Variants in MARK3 observed in about 807,000 individuals in gnomAD.
MARK3 encodes microtubule affinity regulating kinase 3.
A neutral mutation model predicts 90.1 loss-of-function variants in MARK3; 46 were observed. The observed-to-expected ratio is 0.51, with a 90% CI of 0.40 to 0.65. The LOEUF is 0.65. Among genes scored for constraint, MARK3 ranks in the 30% least tolerant of loss-of-function variants. MARK3 has a pLI of 0.00. For synonymous variants in MARK3, 321 were observed against 332.6 expected (o/e 0.97, Z 0.38); for missense variants, 818 against 947.2 (o/e 0.86, Z 1.79).
chr14:103,391,241 T>C (rs915252045), intron 1 of MARK3, among the ~76,000 whole-genome samples: 11 of 152,152 alleles, frequency 7.2e-5, no homozygotes, highest in African/African-American at 2.7e-4. Context: ...CGGCCTAAAA[T>C]GTCAGTAGTG....
intron 2 of MARK3, among the ~76,000 whole-genome samples, chr14:103,405,724 G>A (rs1472809545): frequency 6.6e-6 from 1 of 151,486 alleles, no homozygotes; most frequent in Admixed American, 6.6e-5. Flanking sequence ...TGGGATTACA[G>A]GCGCACACCA....
At chr14:103,493,258 A>ATTTTTTTT (rs10678432) in intron 15 of MARK3, among the ~76,000 whole-genome samples, 9 of 105,372 alleles carry the variant, frequency 8.5e-5, no homozygotes, top group Non-Finnish European at 7.3e-5. Context: ...TTTTTTTTTA[A>ATTTTTTTT]TTTTTTTTTT....
intron 2 of MARK3, among the ~76,000 whole-genome samples, chr14:103,424,537 A>AG (rs2092336531): frequency 1.1e-4 from 1 of 9,256 alleles, no homozygotes; most frequent in African/African-American, 1.3e-4. Context: ...AAAAAAAAAA[A>AG]CAAAAAAAAG....
At chr14:103,408,660 T>C (rs2140766567) in intron 2 of MARK3, among the ~76,000 whole-genome samples, 1 of 152,326 alleles carries the variant, frequency 6.6e-6, no homozygotes, top group South Asian at 2.1e-4. Flanking sequence ...TCTGTCAGCA[T>C]GCATCCTCTG....
At chr14:103,417,861 G>C (rs895718131) in intron 2 of MARK3, among the ~76,000 whole-genome samples, 1 of 152,114 alleles carries the variant, frequency 6.6e-6, no homozygotes, top group Non-Finnish European at 1.5e-5. Flanking sequence ...GAGGTCAGGA[G>C]TTTGAGACCA....
At chr14:103,448,776 T>C in intron 3 of MARK3, 143 bp from the exon 4 acceptor site, 1 of 758,182 alleles carries the variant, frequency 1.3e-6, no homozygotes, top group Non-Finnish European at 2.0e-6. Context: ...GACTTTCATA[T>C]TAGTCTTAGA....
chr14:103,477,057 T>TA (rs1222322498), intron 13 of MARK3, among the ~76,000 whole-genome samples: 1 of 152,218 alleles, frequency 6.6e-6, no homozygotes, highest in Non-Finnish European at 1.5e-5. Flanking sequence ...CCACCCATAC[T>TA]AAATTACTTA....
chr14:103,435,381 C>G (rs907163478), intron 3 of MARK3, among the ~76,000 whole-genome samples: 1 of 148,262 alleles, frequency 6.7e-6, no homozygotes, highest in African/African-American at 2.5e-5. Context: ...CTTAATTTCT[C>G]TCTTCTTCCA....
chr14:103,418,955 A>G (rs1193954661), intron 2 of MARK3, among the ~76,000 whole-genome samples: 1 of 152,214 alleles, frequency 6.6e-6, no homozygotes, highest in Non-Finnish European at 1.5e-5. Context: ...ATTGATGAGA[A>G]CAGCAGTTCT....
chr14:103,479,202 T>A (rs898444922), intron 13 of MARK3, among the ~76,000 whole-genome samples: 117 of 152,062 alleles, frequency 7.7e-4, no homozygotes, highest in African/African-American at 2.7e-3. Flanking sequence ...TTCTGTTTGT[T>A]TGTTGTGGTA....
chr14:103,495,874 G>T (rs1489323146), intron 15 of MARK3, among the ~76,000 whole-genome samples: 2 of 152,236 alleles, frequency 1.3e-5, no homozygotes, highest in Non-Finnish European at 2.9e-5. Flanking sequence ...ATAATTGGTA[G>T]GATTAAAATT....
intron 1 of MARK3, among the ~76,000 whole-genome samples, chr14:103,390,617 T>G (rs1303369612): frequency 2.6e-5 from 4 of 152,244 alleles, no homozygotes; most frequent in East Asian, 3.8e-4. Flanking sequence ...TCACAGTGTT[T>G]TAACAAAGTT....
chr14:103,391,964 CAT>C (rs1006062146), intron 1 of MARK3, among the ~76,000 whole-genome samples: 2 of 152,080 alleles, frequency 1.3e-5, no homozygotes, highest in African/African-American at 4.8e-5. Context: ...AAATGAGAAA[CAT>C]ATTTTTCACC....
chr14:103,469,474 G>A (rs1045578507), intron 12 of MARK3, among the ~76,000 whole-genome samples: 20 of 150,342 alleles, frequency 1.3e-4, no homozygotes, highest in African/African-American at 3.9e-4. Context: ...GAGCCACCGC[G>A]CCTGGCCTTA....
At chr14:103,447,030 T>C (rs2093014405) in intron 3 of MARK3, among the ~76,000 whole-genome samples, 2 of 152,214 alleles carry the variant, frequency 1.3e-5, no homozygotes, top group Non-Finnish European at 2.9e-5. Context: ...GAGATGTTTA[T>C]GTTGGAGATA....
At chr14:103,419,278 G>A (rs894445135) in intron 2 of MARK3, among the ~76,000 whole-genome samples, 3 of 152,086 alleles carry the variant, frequency 2.0e-5, no homozygotes, top group South Asian at 4.1e-4. Context: ...GTGACAGAGC[G>A]AGACCCCGTC....
chr14:103,470,453 C>CAATTTTTTTTTTTT (rs1299534465), intron 12 of MARK3, among the ~76,000 whole-genome samples: 31 of 24,214 alleles, frequency 1.3e-3, no homozygotes, highest in Non-Finnish European at 2.2e-3. Context: ...GGAACTAAAT[C>CAATTTTTTTTTTTT]TATTTTTTTT....
chr14:103,471,667 C>T (rs1182103202), intron 12 of MARK3, among the ~76,000 whole-genome samples: 1 of 152,040 alleles, frequency 6.6e-6, no homozygotes, highest in African/African-American at 2.4e-5. Context: ...TCTAAAGCTA[C>T]GATGTAATCT....
intron 14 of MARK3, among the ~76,000 whole-genome samples, chr14:103,483,574 C>T (rs889085419): frequency 4.0e-5 from 6 of 151,830 alleles, no homozygotes; most frequent in Non-Finnish European, 8.8e-5. Context: ...TCTTACTAGG[C>T]CAATCTTTGT....
Sources: allele counts gnomAD v4.1 joint callset (sites outside exome capture counted in the v4.1 genomes callset), GRCh38; gene constraint gnomAD v4.1.1; transcripts MANE v1.5; gene names NCBI Gene and HGNC (gene_info 2026-07-23, HGNC 2026-07-21).